Variants in IKBKB observed in about 807,000 individuals in gnomAD.
IKBKB encodes the protein inhibitor of nuclear factor kappa-B kinase subunit beta.
IKBKB carries 42 observed loss-of-function variants against 113.6 expected under a neutral mutation model. The observed-to-expected ratio is 0.37, with a 90% CI of 0.29 to 0.48. IKBKB has a LOEUF of 0.48. Ranked by LOEUF, IKBKB falls within the 20% of genes least tolerant of loss-of-function variation. The pLI, the probability that IKBKB is intolerant of heterozygous loss-of-function variation, is 0.99. For missense variants in IKBKB, 673 were observed against 939.7 expected, an observed-to-expected ratio of 0.72 and a Z score of 3.71; for synonymous variants, 296 against 361.3, an observed-to-expected ratio of 0.82 and a Z score of 2.05.
chr8:42,318,325 C>T (rs530967576), intron 12 of IKBKB, among the ~76,000 whole-genome samples: 3 of 151,932 alleles, frequency 2.0e-5, no homozygotes, highest in Admixed American at 1.3e-4. Context: ...TCCAATGGTT[C>T]GTAAAGTGTT....
chr8:42,325,921 A>G (rs200875666), intron 19 of IKBKB, 49 bp from the exon 20 acceptor site: 6 of 1,610,744 alleles, frequency 3.7e-6, no homozygotes, highest in Non-Finnish European at 4.2e-6. Flanking sequence ...GTGAATGCAA[A>G]ATGTGATTCA....
chr8:42,274,211 G>C (rs1232734746), intron 2 of IKBKB, among the ~76,000 whole-genome samples: 1 of 151,992 alleles, frequency 6.6e-6, no homozygotes, highest in Non-Finnish European at 1.5e-5. Flanking sequence ...TGTATTTTTA[G>C]TAGAAATGGG....
At position 42,288,690 on chromosome 8, in the gene IKBKB, C is replaced by A. The variant is rs1485660870; in HGVS notation, c.162C>A (p.Asn54Lys). Reference sequence around the variant, plus strand: ...GCCGGCAGGAGCTCAGCCCCCGGAACCGAGAGCGGTGGTGCCTGGAGATCC... The same window carrying A: ...GCCGGCAGGAGCTCAGCCCCCGGAAACGAGAGCGGTGGTGCCTGGAGATCC... The part of the protein sequence containing the change: ...KQCRQELSPR[N>K]RERWCLEIQI... The change falls in exon 3 of 22, where the codon AAC becomes AAA. Residue 54 changes from asparagine (N) to lysine (K), a missense_variant. Physicochemically the swap from Asn to Lys is moderately conservative, Grantham distance 94. Coordinates refer to ENST00000520810, the MANE Select transcript of IKBKB (RefSeq NM_001556.3). 1 of 1,611,464 alleles carries A rather than the reference C, an allele frequency of 6.2e-7. No individual in the cohort carries two copies. The highest frequency in any genetic ancestry group is 8.5e-7 in the Non-Finnish European group (1 of 1,178,864).
intron 9 of IKBKB, among the ~76,000 whole-genome samples, chr8:42,315,742 A>G (rs1818563062): frequency 6.6e-6 from 1 of 152,198 alleles, no homozygotes; most frequent in Non-Finnish European, 1.5e-5. Flanking sequence ...GGCTCACTGC[A>G]ATCTCTGCCT....
At chr8:42,320,227 T>G (rs1218448216) in intron 15 of IKBKB, 1 of 157,030 alleles carries the variant, frequency 6.4e-6, no homozygotes, top group East Asian at 1.9e-4. Flanking sequence ...TTAGTATCGA[T>G]TTTTATGAAT....
chr8:42,309,959 C>T (rs1228677404), intron 8 of IKBKB, among the ~76,000 whole-genome samples: 2 of 152,068 alleles, frequency 1.3e-5, no homozygotes, highest in South Asian at 2.1e-4. Flanking sequence ...TTATCACCAC[C>T]AAAAATGGTA....
At position 42,322,113 on chromosome 8, in the gene IKBKB, A is replaced by G. The variant is rs772006031; in HGVS notation, c.1798A>G (p.Ser600Gly). Residue 600 changes from serine (S) to glycine (G), a missense_variant, in exon 18 of 22, where the codon AGC becomes GGC. This residue lies in a region of IKBKB where 506 missense variants were observed against 638.7 expected (regional missense o/e 0.79). Transcript: ENST00000520810. ...ACGGCTGCTGCTTCAGGCAATTCAG[A>G]GCTTCGAGAAGAAAGTGCGAGTGAT... ...MVRLLLQAIQ[S>G]FEKKVRVIYT... The G allele has an allele frequency of 1.9e-6, 3 of 1,613,748 alleles. No homozygotes were observed. Among genetic ancestry groups the G allele is most frequent in the Non-Finnish European group, 2.5e-6 (3 of 1,179,920 alleles).
At chr8:42,307,512 A>G (rs1361165819) in intron 7 of IKBKB, among the ~76,000 whole-genome samples, 2 of 152,182 alleles carry the variant, frequency 1.3e-5, no homozygotes, top group Non-Finnish European at 1.5e-5. Context: ...GTGAAGATGT[A>G]GAGGGCAATT....
At chr8:42,280,804 C>T (rs968436004) in intron 2 of IKBKB, among the ~76,000 whole-genome samples, 1 of 152,130 alleles carries the variant, frequency 6.6e-6, no homozygotes, top group Non-Finnish European at 1.5e-5. Flanking sequence ...AGAGTATTAA[C>T]GATCCCTTCT....
chr8:42,284,808 G>A (rs1811075504), intron 2 of IKBKB, among the ~76,000 whole-genome samples: 1 of 151,704 alleles, frequency 6.6e-6, no homozygotes. Context: ...GGGAGGTACA[G>A]GGAGGTGTAA....
At chr8:42,283,775 A>C (rs902800910) in intron 2 of IKBKB, among the ~76,000 whole-genome samples, 2 of 152,216 alleles carry the variant, frequency 1.3e-5, no homozygotes, top group African/African-American at 4.8e-5. Flanking sequence ...AGCAATAGAA[A>C]ACAAGTGCCC....
rs1010430221 is a variant in IKBKB at position 42,329,594 on chromosome 8, A to T, written c.2205+380A>T. The T allele has an allele frequency of 7.2e-6, 7 of 974,258 alleles. No homozygotes were observed. The African/African-American group carries it at 1.2e-4, about 17-fold the overall frequency. The allele number at this position is 974,258 out of a possible 1,614,324, so 60.4% of individuals were successfully genotyped here. ...AGGCTTACAACTACATGTATGCATT[A>T]TCTTATTTAATCCTTGGAACACTTA... On this transcript the variant is annotated intron_variant, in intron 21 of 21. Transcript: ENST00000520810.
intron 5 of IKBKB, among the ~76,000 whole-genome samples, chr8:42,302,276 C>T (rs1815382284): frequency 6.6e-6 from 1 of 152,164 alleles, no homozygotes; most frequent in Non-Finnish European, 1.5e-5. Flanking sequence ...GGTCTTGAAA[C>T]ATTAACACAA....
At chr8:42,323,763 A>G (rs762946140) in intron 19 of IKBKB, among the ~76,000 whole-genome samples, 1 of 152,150 alleles carries the variant, frequency 6.6e-6, no homozygotes, top group African/African-American at 2.4e-5. Flanking sequence ...GGAACGGGAG[A>G]AAACAGGATG....
Position 42,281,213 on chromosome 8 carries a change from G to A in IKBKB, c.106-7421G>A, listed in dbSNP as rs556868863. ...AGCTTTAGCAGGATCTGGAAAGGAGGTACACTTTCGAGGGCCTGGCAAGAA... is the reference window on the plus strand; with the variant it reads ...AGCTTTAGCAGGATCTGGAAAGGAGATACACTTTCGAGGGCCTGGCAAGAA... On this transcript the variant is annotated intron_variant, in intron 2 of 21. Transcript: ENST00000520810. Among the ~76,000 whole-genome samples the A allele has an allele frequency of 1.1e-4, 16 of 152,284 alleles. No homozygotes were observed. In the East Asian group the frequency reaches 1.9e-3, roughly 18 times the overall value.
At chr8:42,303,192 G>T (rs1173427446) in intron 5 of IKBKB, among the ~76,000 whole-genome samples, 1 of 152,062 alleles carries the variant, frequency 6.6e-6, no homozygotes, top group Non-Finnish European at 1.5e-5. Flanking sequence ...GAATGGTGGT[G>T]GCGGCGACGG....
intron 2 of IKBKB, among the ~76,000 whole-genome samples, chr8:42,279,796 C>T (rs547220828): frequency 4.6e-5 from 7 of 152,168 alleles, no homozygotes; most frequent in Non-Finnish European, 1.0e-4. Context: ...TCATTGTTCA[C>T]CACAGTCTAA....
chr8:42,308,877 G>T, intron 7 of IKBKB, 24 bp from the exon 8 acceptor site: 1 of 1,612,710 alleles, frequency 6.2e-7, no homozygotes, highest in Non-Finnish European at 8.5e-7. Flanking sequence ...AGCAGCTCAG[G>T]TGTACCCCCT....
chr8:42,317,061 CTG>C (rs762684275), intron 11 of IKBKB, 157 bp downstream of exon 11: 1 of 725,014 alleles, frequency 1.4e-6, no homozygotes, highest in Non-Finnish European at 2.4e-6. Context: ...ATGGTGTCCT[CTG>C]TGTGGCCTGA....
Sources: allele counts gnomAD v4.1 joint callset (sites outside exome capture counted in the v4.1 genomes callset), GRCh38; gene constraint gnomAD v4.1.1; regional missense constraint gnomAD v4.1.1; transcripts MANE v1.5; gene names NCBI Gene and HGNC (gene_info 2026-07-23, HGNC 2026-07-21).